PI4KA: variants seen among roughly 807,000 people sequenced by gnomAD.
PI4KA encodes PI4-kinase alpha.
PI4KA carries 122 observed loss-of-function variants against 271.4 expected under a neutral mutation model. The ratio of observed to expected loss-of-function variants is 0.45; its 90% CI spans 0.39 to 0.52. The LOEUF (loss-of-function observed/expected upper bound fraction) is 0.52. Ranked by LOEUF, PI4KA falls within the 20% of genes least tolerant of loss-of-function variation. PI4KA has a pLI of 0.00. For synonymous variants in PI4KA, 1,041 were observed against 1,078.8 expected, an observed-to-expected ratio of 0.96 and a Z score of 0.69; for missense variants, 1,969 against 2,769.1, an observed-to-expected ratio of 0.71 and a Z score of 6.48.
At chr22:20,743,690 C>A (rs1434920219) in intron 30 of PI4KA, among the ~76,000 whole-genome samples, 1 of 152,108 alleles carries the variant, frequency 6.6e-6, no homozygotes, top group African/African-American at 2.4e-5. Flanking sequence ...TGACAGAGTG[C>A]TAAGAAGGAG....
chr22:20,742,124 G>A, intron 32 of PI4KA, 104 bp downstream of exon 32: 1 of 1,189,318 alleles, frequency 8.4e-7, no homozygotes, highest in Non-Finnish European at 1.2e-6. Flanking sequence ...AAGGTGAGGG[G>A]CTTGCCCAGT....
At chr22:20,824,542 CCTT>C (rs1309116754) in intron 3 of PI4KA, 128 bp from the exon 4 acceptor site, 1 of 621,886 alleles carries the variant, frequency 1.6e-6, no homozygotes, top group African/African-American at 1.9e-5. Context: ...CAGCTGCCCT[CCTT>C]GAGACGAGTC....
At chr22:20,770,082 C>G (rs1043204778) in intron 19 of PI4KA, among the ~76,000 whole-genome samples, 3 of 152,130 alleles carry the variant, frequency 2.0e-5, no homozygotes, top group African/African-American at 7.2e-5. Context: ...GGGTCTCACT[C>G]TGTCGACCAC....
At chr22:20,807,802 G>A (rs1935753619) in intron 9 of PI4KA, among the ~76,000 whole-genome samples, 1 of 152,006 alleles carries the variant, frequency 6.6e-6, no homozygotes, top group South Asian at 2.1e-4. Flanking sequence ...ACTGACAAAG[G>A]CCACCAGAGT....
At chr22:20,787,035 TG>T (rs1480436179) in intron 19 of PI4KA, 2 of 1,613,942 alleles carry the variant, frequency 1.2e-6, no homozygotes, top group Non-Finnish European at 1.7e-6. Context: ...CTGCTCTTCA[TG>T]GGAAGAGTGG....
chr22:20,784,321 T>C, intron 19 of PI4KA: 6 of 1,589,680 alleles, frequency 3.8e-6, no homozygotes, highest in Non-Finnish European at 5.2e-6. Flanking sequence ...AAATGGATCA[T>C]TTTTTTAAAA....
rs200058087 is a variant in PI4KA at position 20,820,630 on chromosome 22, C to T, written c.457-19G>A. Reference sequence around the variant, plus strand: ...CTAAAATCTGTAACAGTCAAGGAAACAAGAAAAAAAAAACATAAACAAAAT... The same window carrying T: ...CTAAAATCTGTAACAGTCAAGGAAATAAGAAAAAAAAAACATAAACAAAAT... On this transcript the variant is annotated intron_variant, in intron 4 of 54. Coordinates refer to ENST00000255882, the MANE Select transcript of PI4KA (RefSeq NM_058004.4). 2 of 1,518,034 alleles carry T rather than the reference C, an allele frequency of 1.3e-6. No homozygotes were observed. Among genetic ancestry groups the T allele is most frequent in the Non-Finnish European group, 1.8e-6 (2 of 1,111,036 alleles). 94.0% of individuals were successfully genotyped at this position (1,518,034 alleles called of 1,614,324 possible). A position where few individuals can be genotyped will look rare whatever the true frequency, so the allele number is the denominator to read the frequency against.
intron 2 of PI4KA, among the ~76,000 whole-genome samples, chr22:20,835,159 T>A (rs1463152666): frequency 1.3e-5 from 2 of 152,112 alleles, no homozygotes; most frequent in Non-Finnish European, 2.9e-5. Context: ...TTCTACTTCA[T>A]GTTTCCTCTT....
At chr22:20,716,124 T>C (rs1205459346) in intron 45 of PI4KA, among the ~76,000 whole-genome samples, 5 of 151,996 alleles carry the variant, frequency 3.3e-5, no homozygotes, top group South Asian at 2.1e-4. Flanking sequence ...AATCTTGGCT[T>C]ACTGCAAGCT....
At chr22:20,781,422 TCTG>T (rs1373090762) in intron 19 of PI4KA, among the ~76,000 whole-genome samples, 1 of 152,224 alleles carries the variant, frequency 6.6e-6, no homozygotes, top group African/African-American at 2.4e-5. Flanking sequence ...GCCAGTGCTT[TCTG>T]CTAGTTAGCT....
At chr22:20,824,257 C>A (rs765345558) in intron 4 of PI4KA, 69 bp downstream of exon 4, 13 of 993,154 alleles carry the variant, frequency 1.3e-5, no homozygotes, top group Middle Eastern at 2.0e-4. Flanking sequence ...TTTTTAAAAT[C>A]TTTTCATCAC....
At chr22:20,749,316 T>C (rs997514970) in intron 28 of PI4KA, among the ~76,000 whole-genome samples, 12 of 152,226 alleles carry the variant, frequency 7.9e-5, no homozygotes, top group Admixed American at 3.9e-4. Flanking sequence ...CTAACACAGA[T>C]TCCTTCCAGA....
intron 51 of PI4KA, 46 bp downstream of exon 51, chr22:20,711,295 G>A (rs181887833): frequency 0.027 from 34,056 of 1,261,228 alleles, 6,536 homozygotes; most frequent in Non-Finnish European, 0.032. Context: ...CCACCCCTGG[G>A]TGCCAGGGGT....
At chr22:20,776,306 AGAGT>A (rs1933267533) in intron 19 of PI4KA, among the ~76,000 whole-genome samples, 2 of 152,168 alleles carry the variant, frequency 1.3e-5, no homozygotes, top group African/African-American at 2.4e-5. Flanking sequence ...CCTGGGTGAC[AGAGT>A]GAGACCCCGC....
At chr22:20,808,205 G>A (rs1024523363) in intron 9 of PI4KA, among the ~76,000 whole-genome samples, 13 of 151,520 alleles carry the variant, frequency 8.6e-5, no homozygotes, top group Admixed American at 4.6e-4. Flanking sequence ...CAGGAGAATT[G>A]CTTGAACCTG....
At position 20,858,673 on chromosome 22, in the gene PI4KA, C is replaced by T. The variant is rs1265394700; in HGVS notation, c.53G>A (p.Gly18Asp). 3.4e-6 allele frequency: 5 copies of T among 1,468,890 alleles called. No individual in the cohort carries two copies. The highest frequency in any genetic ancestry group is 2.3e-5 in the Admixed American group (1 of 43,190). The allele number at this position is 1,468,890 out of a possible 1,614,324, so 91.0% of individuals were successfully genotyped here. ...GGGGGGGGGGGCSGSGSSASR... is the reference protein window; with the variant it reads ...GGGGGGGGGGDCSGSGSSASR... ...GGCGCTGGAGCCGGAGCCGGAGCAG[C>T]CGCCGCCGCCTCCGCCTCCGCCTCC... is the stretch of plus-strand genomic sequence containing the variant. Residue 18 changes from glycine (G) to aspartate (D), a missense_variant, in exon 1 of 55, where the codon GGC becomes GAC. By Grantham distance (94) the Gly-to-Asp change is moderately conservative. This residue lies in a region of PI4KA where 540 missense variants were observed against 555.5 expected (regional missense o/e 0.97). Transcript: ENST00000255882.
intron 18 of PI4KA, among the ~76,000 whole-genome samples, chr22:20,795,069 G>C (rs757968402): frequency 6.6e-6 from 1 of 152,218 alleles, no homozygotes; most frequent in Non-Finnish European, 1.5e-5. Flanking sequence ...ATGGAAGAGA[G>C]AGGAAATGAC....
At chr22:20,752,061 T>A (rs971952823) in intron 25 of PI4KA, among the ~76,000 whole-genome samples, 1 of 152,196 alleles carries the variant, frequency 6.6e-6, no homozygotes, top group African/African-American at 2.4e-5. Flanking sequence ...GCAATCCTCT[T>A]AGTTTCTGAC....
chr22:20,742,520 C>T (rs530057817), intron 31 of PI4KA, 88 bp downstream of exon 31: 51 of 1,558,358 alleles, frequency 3.3e-5, no homozygotes, highest in Admixed American at 2.9e-4. Context: ...GCTCTTTCTC[C>T]GGCCAGTACT....
Sources: gnomAD v4.1 joint callset for allele counts (sites outside exome capture counted in the v4.1 genomes callset) on GRCh38, gnomAD v4.1.1 for gene constraint, gnomAD v4.1.1 regional missense constraint, MANE v1.5 for transcripts, NCBI Gene and HGNC (gene_info 2026-07-23, HGNC 2026-07-21) for gene names.